Variants in OR52N4 observed in about 807,000 individuals in gnomAD.
OR52N4 encodes the protein olfactory receptor family 52 subfamily N member 4.
Under a neutral mutation model 15.0 loss-of-function variants are expected in OR52N4, and 15 were observed. The observed-to-expected ratio is 1.00, with a 90% CI of 0.67 to 1.54. The LOEUF (loss-of-function observed/expected upper bound fraction) is 1.54. Among genes scored for constraint, OR52N4 ranks in the 40% most tolerant of loss-of-function variants. OR52N4 has a pLI of 0.00. For synonymous variants in OR52N4, 143 were observed against 143.7 expected (o/e 1.00, Z 0.03); for missense variants, 421 against 394.0 (o/e 1.07, Z -0.58).
the OR52N4 span, among the ~76,000 whole-genome samples, chr11:5,739,079 A>T: frequency 1.6e-5 from 2 of 127,844 alleles, 1 homozygote; most frequent in Non-Finnish European, 3.5e-5. Flanking sequence ...CCTTTCACAC[A>T]AACTTCAATT....
chr11:5,742,944 A>T, the OR52N4 span, among the ~76,000 whole-genome samples: 1 of 152,144 alleles, frequency 6.6e-6, no homozygotes, highest in Admixed American at 6.6e-5. Context: ...AAACATATAA[A>T]CTGAGAAAAT....
chr11:5,754,014 A>T (rs1247482771), upstream of OR52N4, among the ~76,000 whole-genome samples: 2 of 150,724 alleles, frequency 1.3e-5, no homozygotes, highest in Non-Finnish European at 3.0e-5. Flanking sequence ...AAAAAAAAAA[A>T]ATCCCAGTAA....
upstream of OR52N4, among the ~76,000 whole-genome samples, chr11:5,750,684 TAATA>T (rs1854171994): frequency 8.5e-6 from 1 of 118,056 alleles, no homozygotes; most frequent in Admixed American, 9.5e-5. Context: ...CTGAAAAATA[TAATA>T]GTGACTACAA....
At chr11:5,731,046 G>A in the OR52N4 span, among the ~76,000 whole-genome samples, 1 of 152,104 alleles carries the variant, frequency 6.6e-6, no homozygotes, top group Non-Finnish European at 1.5e-5. Context: ...AAAAGGTACA[G>A]CCTCATCCCT....
At chr11:5,729,719 C>A in the OR52N4 span, among the ~76,000 whole-genome samples, 18 of 152,180 alleles carry the variant, frequency 1.2e-4, no homozygotes, top group African/African-American at 4.3e-4. Context: ...AAGTTTATAT[C>A]ATGATCAACC....
In OR52N4 at chr11:5,755,605, A is replaced by G; in HGVS notation, c.865A>G (p.Thr289Ala). The G allele has an allele frequency of 6.2e-7, 1 of 1,613,560 alleles. No individual in the cohort carries two copies. The highest frequency in any genetic ancestry group is 1.1e-5 in the South Asian group (1 of 91,066). Residue 289 changes from threonine (T) to alanine (A), a missense_variant, in exon 2 of 2, where the codon ACT becomes GCT. Transcript: ENST00000641350. ...VANIYLLLPP[T>A]MNPIVYGVKT... ...CAATATTTATCTGCTCCTACCACCC[A>G]CTATGAACCCTATTGTCTATGGGGT...
At chr11:5,733,701 T>C in the OR52N4 span, among the ~76,000 whole-genome samples, 1 of 152,212 alleles carries the variant, frequency 6.6e-6, no homozygotes, top group African/African-American at 2.4e-5. Context: ...TTGATCACTT[T>C]ATGCCTAACA....
At chr11:5,749,956 G>A (rs532535950), upstream of OR52N4, among the ~76,000 whole-genome samples, 7 of 152,004 alleles carry the variant, frequency 4.6e-5, no homozygotes, top group South Asian at 8.3e-4. Flanking sequence ...AATTGCATAC[G>A]TTTGTACTTA....
At chr11:5,748,269 C>G in the OR52N4 span, among the ~76,000 whole-genome samples, 1 of 151,904 alleles carries the variant, frequency 6.6e-6, no homozygotes, top group Admixed American at 6.6e-5. Context: ...TATACCATAA[C>G]TTCAAGTGTT....
chr11:5,742,908 C>T, the OR52N4 span, among the ~76,000 whole-genome samples: 1 of 152,090 alleles, frequency 6.6e-6, no homozygotes, highest in Non-Finnish European at 1.5e-5. Context: ...TAAGCTTGAA[C>T]AGGAATGTAC....
At chr11:5,752,219 G>T (rs555835585), upstream of OR52N4, among the ~76,000 whole-genome samples, 29 of 152,284 alleles carry the variant, frequency 1.9e-4, no homozygotes, top group Non-Finnish European at 3.4e-4. Flanking sequence ...GTGCTCCTAT[G>T]ACACCCAGTA....
the OR52N4 span, chr11:5,736,700 C>A: frequency 1.9e-6 from 3 of 1,614,026 alleles, no homozygotes; most frequent in Admixed American, 1.7e-5. Flanking sequence ...CTGGCAGAAC[C>A]CTTCTTTACA....
In OR52N4 at chr11:5,754,728, T is replaced by G. The variant is rs567439185; in HGVS notation, c.-13T>G. On this transcript the variant is annotated 5_prime_UTR_variant, in exon 2 of 2. Transcript: ENST00000641350. ...ACAAATTTTGAGCTATTTCATAACC[T>G]ACCAGACTTATCATGCTAACACTGA... 1 of 1,602,410 alleles carries G rather than the reference T, an allele frequency of 6.2e-7. No homozygotes were observed. Among genetic ancestry groups the G allele is most frequent in the East Asian group, 2.2e-5 (1 of 44,750 alleles).
At chr11:5,753,876 G>A (rs10160813), upstream of OR52N4, among the ~76,000 whole-genome samples, 2 of 151,252 alleles carry the variant, frequency 1.3e-5, no homozygotes, top group African/African-American at 4.9e-5. Flanking sequence ...GCCTGTAGTC[G>A]CAGCTACTCG....
the OR52N4 span, among the ~76,000 whole-genome samples, chr11:5,735,660 C>T: frequency 2.0e-5 from 3 of 152,026 alleles, no homozygotes; most frequent in African/African-American, 4.8e-5. Flanking sequence ...CTTGTCTGGT[C>T]GAGCCACCAT....
the OR52N4 span, chr11:5,738,145 G>A: frequency 5.3e-5 from 8 of 152,366 alleles, no homozygotes; most frequent in African/African-American, 1.9e-4. Context: ...TAAACTGGAG[G>A]GCTGACTTTC....
At position 5,755,330 on chromosome 11, in the gene OR52N4, A is replaced by G. The variant is rs775384634; in HGVS notation, c.590A>G (p.Asn197Ser). The change falls in exon 2 of 2, where the codon AAT becomes AGT. Residue 197 changes from asparagine to serine, a missense_variant. Asn to Ser is a conservative substitution (Grantham distance 46, BLOSUM62 1). Coordinates refer to ENST00000641350, the MANE Select transcript of OR52N4 (RefSeq NM_001005175.5). Reference sequence around the variant, plus strand: ...TTGTCCTGTGGTAATGTCAAGGTCAATGCCATCTATGGTCTGATGGTTGCC... The same window carrying G: ...TTGTCCTGTGGTAATGTCAAGGTCAGTGCCATCTATGGTCTGATGGTTGCC... ...AKLSCGNVKV[N>S]AIYGLMVALL... 1.3e-5 allele frequency: 21 copies of G among 1,613,944 alleles called. No individual in the cohort carries two copies. The highest frequency in any genetic ancestry group is 1.7e-5 in the Non-Finnish European group (20 of 1,179,966).
At chr11:5,743,893 T>G in the OR52N4 span, among the ~76,000 whole-genome samples, 1 of 151,802 alleles carries the variant, frequency 6.6e-6, no homozygotes, top group African/African-American at 2.4e-5. Flanking sequence ...AGAGAAGAGA[T>G]AAATGAAATT....
chr11:5,741,285 T>C, the OR52N4 span, among the ~76,000 whole-genome samples: 2 of 152,130 alleles, frequency 1.3e-5, no homozygotes, highest in African/African-American at 2.4e-5. Flanking sequence ...CATAAGAACA[T>C]AGAGAATAAG....
Sources: allele counts gnomAD v4.1 joint callset (sites outside exome capture counted in the v4.1 genomes callset), GRCh38; gene constraint gnomAD v4.1.1; transcripts MANE v1.5; gene names NCBI Gene and HGNC (gene_info 2026-07-23, HGNC 2026-07-21).